The following HHLA1 variants were observed in gnomAD, a reference collection of about 807,000 sequenced individuals.
The protein encoded by HHLA1 is HERV-H LTR-associating protein 1.
HHLA1 carries 72 observed loss-of-function variants against 69.9 expected under a neutral mutation model. The ratio of observed to expected loss-of-function variants is 1.03; its 90% CI spans 0.85 to 1.25. The LOEUF is 1.25. HHLA1 is among the 50% of genes most tolerant of loss of function. The probability of loss-of-function intolerance (pLI) is 0.00; values close to 1 mark genes in which losing one functional copy is unlikely to be tolerated. For synonymous variants in HHLA1, 252 were observed against 233.2 expected (o/e 1.08, Z -0.73); for missense variants, 685 against 642.2 (o/e 1.07, Z -0.72).
At chr8:132,071,529 A>G (rs1315599515) in intron 14 of HHLA1, 36 bp from the exon 15 acceptor site, 1 of 1,544,838 alleles carries the variant, frequency 6.5e-7, no homozygotes, top group Admixed American at 2.0e-5. Context: ...TAAATCAGTA[A>G]GAGTTTAGTA....
chr8:132,107,710 T>C (rs1463309107), intron 1 of HHLA1, among the ~76,000 whole-genome samples: 5 of 152,216 alleles, frequency 3.3e-5, no homozygotes. Context: ...ATTGGCCAAG[T>C]CAACTACATG....
At chr8:132,093,315 T>C (rs1216690215) in intron 7 of HHLA1, among the ~76,000 whole-genome samples, 1 of 152,176 alleles carries the variant, frequency 6.6e-6, no homozygotes, top group Non-Finnish European at 1.5e-5. Flanking sequence ...TTGCATAGCA[T>C]CTTGATATCA....
At chr8:132,064,872 T>G (rs1823408287) in intron 16 of HHLA1, among the ~76,000 whole-genome samples, 1 of 152,228 alleles carries the variant, frequency 6.6e-6, no homozygotes, top group South Asian at 2.1e-4. Context: ...CCAGCTGGTA[T>G]TCTTCAGGAC....
chr8:132,077,200 C>A (rs1823659977), intron 12 of HHLA1, among the ~76,000 whole-genome samples: 1 of 152,072 alleles, frequency 6.6e-6, no homozygotes, highest in Non-Finnish European at 1.5e-5. Flanking sequence ...GATGGACACC[C>A]AGTTCAGCTG....
chr8:132,081,684 G>A (rs2469491), intron 10 of HHLA1, among the ~76,000 whole-genome samples: 105,857 of 151,954 alleles, frequency 0.7, 37,351 homozygotes, highest in African/African-American at 0.79. Flanking sequence ...CAGTGAAAGT[G>A]TCTACCTAGA....
At chr8:132,082,445 AGTT>A (rs1381873193) in intron 10 of HHLA1, among the ~76,000 whole-genome samples, 4 of 152,078 alleles carry the variant, frequency 2.6e-5, no homozygotes, top group Non-Finnish European at 5.9e-5. Context: ...GAAAGAAAGG[AGTT>A]GTTGTTTTGT....
intron 3 of HHLA1, 89 bp from the exon 4 acceptor site, chr8:132,100,223 C>G: frequency 2.2e-6 from 2 of 921,118 alleles, no homozygotes; most frequent in Non-Finnish European, 3.5e-6. Context: ...CCTCTTTGGC[C>G]TCTGCTCTCC....
chr8:132,063,234 A>T lies in HHLA1; in HGVS notation c.*761T>A, dbSNP rs1823382088. The T allele has an allele frequency of 6.6e-6, 1 of 152,166 alleles. No homozygotes were observed. The highest frequency in any genetic ancestry group is 1.5e-5 in the Non-Finnish European group (1 of 68,040). 9.4% of individuals were successfully genotyped at this position (152,166 alleles called of 1,614,324 possible). On this transcript the variant is annotated 3_prime_UTR_variant, in exon 17 of 17. Coordinates refer to ENST00000414222, the MANE Select transcript of HHLA1 (RefSeq NM_001145095.3). Reference sequence around the variant, plus strand: ...TTCACATTTGCTGCTTTTCATCTGCATCCTTTTGTTGTAATAAATGCTAAA... The same window carrying T: ...TTCACATTTGCTGCTTTTCATCTGCTTCCTTTTGTTGTAATAAATGCTAAA...
intron 12 of HHLA1, among the ~76,000 whole-genome samples, chr8:132,076,946 T>C (rs1469387022): frequency 6.6e-6 from 1 of 152,066 alleles, no homozygotes; most frequent in Non-Finnish European, 1.5e-5. Context: ...CCCGACAAAT[T>C]GCCTGTCATA....
chr8:132,067,764 T>C (rs142019090), intron 15 of HHLA1, among the ~76,000 whole-genome samples: 232 of 152,322 alleles, frequency 1.5e-3, no homozygotes, highest in African/African-American at 5.4e-3. Flanking sequence ...CCCTTTTACA[T>C]GAATGGTGCT....
chr8:132,087,716 C>A lies in HHLA1; in HGVS notation c.613G>T (p.Glu205Ter). ...ATAATGGGATATTTTTCTTCTATCTCCCAGAAGTCAGAAAGATTCCTTCCT... is the reference window on the plus strand; with the variant it reads ...ATAATGGGATATTTTTCTTCTATCTACCAGAAGTCAGAAAGATTCCTTCCT... ...KSGRNLSDFW[E>*]IEEKYPIINY... The change falls in exon 10 of 17, where the codon GAG becomes TAG. Residue 205 changes from glutamate (E) to a stop codon, truncating the protein, a stop_gained. Transcript: ENST00000414222. LOFTEE classifies it high-confidence loss of function. The A allele has an allele frequency of 6.4e-7, 1 of 1,551,406 alleles. No homozygotes were observed. Among genetic ancestry groups the A allele is most frequent in the Non-Finnish European group, 8.7e-7 (1 of 1,146,782 alleles).
chr8:132,101,193 T>C, intron 3 of HHLA1: 1 of 1,548,732 alleles, frequency 6.5e-7, no homozygotes, highest in Admixed American at 2.0e-5. Context: ...AAATGTGCCC[T>C]GCATTACAGA....
intron 10 of HHLA1, among the ~76,000 whole-genome samples, chr8:132,081,971 G>C (rs552369033): frequency 6.6e-5 from 10 of 152,284 alleles, no homozygotes; most frequent in Admixed American, 5.9e-4. Context: ...AGGCCTGGTG[G>C]AACTGCCATC....
chr8:132,104,237 A>G (rs1236584322), intron 2 of HHLA1, 70 bp from the exon 3 acceptor site: 5 of 1,100,810 alleles, frequency 4.5e-6, no homozygotes, highest in South Asian at 1.4e-5. Context: ...TTGATTCAAC[A>G]TACCCATTTT....
intron 3 of HHLA1, 84 bp downstream of exon 3, chr8:132,104,024 T>A: frequency 1.2e-6 from 1 of 869,502 alleles, no homozygotes; most frequent in Non-Finnish European, 1.9e-6. Context: ...CGCTGTCTTA[T>A]CAGTAGAGAA....
At chr8:132,098,248 C>T (rs867256822) in intron 5 of HHLA1, among the ~76,000 whole-genome samples, 10 of 152,048 alleles carry the variant, frequency 6.6e-5, no homozygotes, top group African/African-American at 1.9e-4. Flanking sequence ...TTTTGCTAGA[C>T]GCTAAAGAAC....
chr8:132,101,359 C>T (rs886769636), intron 3 of HHLA1: 57 of 1,473,772 alleles, frequency 3.9e-5, no homozygotes, highest in Non-Finnish European at 4.7e-5. Flanking sequence ...TCATCTTGTC[C>T]AACACTTTGA....
chr8:132,088,346 A>G (rs553857422), intron 8 of HHLA1, among the ~76,000 whole-genome samples: 8 of 152,362 alleles, frequency 5.3e-5, no homozygotes, highest in South Asian at 2.1e-4. Context: ...GTTTTTATCT[A>G]TCCTACTTAG....
chr8:132,073,348 G>C (rs1184754461), intron 14 of HHLA1, among the ~76,000 whole-genome samples: 1 of 152,114 alleles, frequency 6.6e-6, no homozygotes, highest in Non-Finnish European at 1.5e-5. Context: ...AAGGTAGAAA[G>C]AAAATACTTT....
Sources: allele counts gnomAD v4.1 joint callset (sites outside exome capture counted in the v4.1 genomes callset), GRCh38; gene constraint gnomAD v4.1.1; transcripts MANE v1.5; gene names NCBI Gene and HGNC (gene_info 2026-07-23, HGNC 2026-07-21).